The following STAC variants were observed in gnomAD, a reference collection of about 807,000 sequenced individuals.
STAC encodes the protein SH3 and cysteine rich domain.
A neutral mutation model predicts 48.8 loss-of-function variants in STAC; 43 were observed. That is an observed-to-expected ratio of 0.88 (90% CI 0.69 to 1.14). STAC has a LOEUF of 1.14. Among genes scored for constraint, STAC ranks in the 50% most tolerant of loss-of-function variants. The pLI is 0.00. For synonymous variants in STAC, 193 were observed against 179.5 expected, an observed-to-expected ratio of 1.07 and a Z score of -0.60; for missense variants, 497 against 504.0, an observed-to-expected ratio of 0.99 and a Z score of 0.13.
chr3:36,404,403 G>C (rs1005378233), intron 1 of STAC, among the ~76,000 whole-genome samples: 2 of 152,126 alleles, frequency 1.3e-5, no homozygotes, highest in Non-Finnish European at 2.9e-5. Flanking sequence ...CTATTTCAAA[G>C]GGTAATTGTG....
intron 2 of STAC, among the ~76,000 whole-genome samples, chr3:36,454,908 G>T (rs552997985): frequency 6.6e-6 from 1 of 152,236 alleles, no homozygotes; most frequent in East Asian, 1.9e-4. Flanking sequence ...CAAGTGCTTT[G>T]GTGATTTCTT....
At chr3:36,444,422 T>C (rs1167335427) in intron 2 of STAC, among the ~76,000 whole-genome samples, 1 of 152,228 alleles carries the variant, frequency 6.6e-6, no homozygotes, top group Non-Finnish European at 1.5e-5. Context: ...ATTTGGCTGA[T>C]CCAGACTCAG....
chr3:36,534,258 T>G (rs1002980512), intron 10 of STAC, among the ~76,000 whole-genome samples: 5 of 152,094 alleles, frequency 3.3e-5, no homozygotes, highest in African/African-American at 4.8e-5. Context: ...GATGTGAGAG[T>G]TAAATGTGCT....
At chr3:36,470,403 G>C (rs1213458884) in intron 2 of STAC, among the ~76,000 whole-genome samples, 1 of 152,248 alleles carries the variant, frequency 6.6e-6, no homozygotes, top group Non-Finnish European at 1.5e-5. Context: ...TCTGGAAAGA[G>C]TCCTGTGACG....
At chr3:36,433,180 C>T (rs186590768) in intron 1 of STAC, among the ~76,000 whole-genome samples, 1 of 152,228 alleles carries the variant, frequency 6.6e-6, no homozygotes, top group East Asian at 1.9e-4. Context: ...GTGAACCAGG[C>T]ATGTTCCAGA....
chr3:36,492,032 ATATATATATATAT>A (rs1352638051), intron 5 of STAC, among the ~76,000 whole-genome samples: 5 of 10,524 alleles, frequency 4.8e-4, no homozygotes, highest in African/African-American at 1.0e-3. Flanking sequence ...AAAAAAAAAA[ATATATATATATAT>A]ATATATATAT....
chr3:36,415,211 T>C lies in STAC; in HGVS notation c.112-28153T>C, dbSNP rs1700291746. On this transcript the variant is annotated intron_variant, in intron 1 of 10. Transcript: ENST00000273183. The stretch of plus-strand genomic sequence containing the variant: ...TCTTCAAAGCTGTCAGACAGGGACA[T>C]TTAAGTCTGCAGAGGTTTCTGCTGC... 2.6e-5 allele frequency among the ~76,000 whole-genome samples: 4 copies of C among 152,202 alleles called. No individual in the cohort carries two copies. The South Asian group carries it at 8.3e-4, about 32-fold the overall frequency.
chr3:36,543,777 T>C (rs1699382577), intron 10 of STAC, among the ~76,000 whole-genome samples: 1 of 152,198 alleles, frequency 6.6e-6, no homozygotes, highest in Non-Finnish European at 1.5e-5. Context: ...CATGGAGTAA[T>C]GGTGTAAGGC....
chr3:36,501,092 AAAAAC>A (rs1471801505), intron 6 of STAC, among the ~76,000 whole-genome samples: 2 of 152,238 alleles, frequency 1.3e-5, no homozygotes, highest in African/African-American at 2.4e-5. Context: ...ACCTTGTCTC[AAAAAC>A]AAAGAAAAAA....
chr3:36,401,995 G>C (rs546495397), intron 1 of STAC, among the ~76,000 whole-genome samples: 1 of 152,192 alleles, frequency 6.6e-6, no homozygotes, highest in Non-Finnish European at 1.5e-5. Context: ...AACTATAGAG[G>C]TGGAGGCTGA....
intron 2 of STAC, among the ~76,000 whole-genome samples, chr3:36,470,943 G>T (rs761815443): frequency 3.3e-5 from 5 of 152,208 alleles, no homozygotes; most frequent in Admixed American, 1.3e-4. Flanking sequence ...ATAAAGCAAG[G>T]ATCAACTTAA....
At chr3:36,446,090 C>T (rs980823977) in intron 2 of STAC, among the ~76,000 whole-genome samples, 2 of 152,190 alleles carry the variant, frequency 1.3e-5, no homozygotes, top group Non-Finnish European at 2.9e-5. Flanking sequence ...GCCAGCTAGG[C>T]CCTTGCCCTT....
At chr3:36,544,195 G>A (rs962741208) in intron 10 of STAC, among the ~76,000 whole-genome samples, 2 of 152,106 alleles carry the variant, frequency 1.3e-5, no homozygotes, top group African/African-American at 4.8e-5. Context: ...GCAATGGCAG[G>A]TCTCAGCTTT....
chr3:36,516,605 T>C (rs902658116), intron 8 of STAC, among the ~76,000 whole-genome samples: 7 of 152,196 alleles, frequency 4.6e-5, no homozygotes, highest in Non-Finnish European at 8.8e-5. Context: ...GATAATTCTC[T>C]ATCTTTCCAC....
At chr3:36,422,571 T>C (rs1700474200) in intron 1 of STAC, among the ~76,000 whole-genome samples, 1 of 152,096 alleles carries the variant, frequency 6.6e-6, no homozygotes, top group Non-Finnish European at 1.5e-5. Flanking sequence ...TTTTAATAAA[T>C]ATGTAAAACA....
In STAC at chr3:36,458,104, A is replaced by T. The variant is rs1358556425; in HGVS notation, c.388+14464A>T. Among the ~76,000 whole-genome samples the T allele has an allele frequency of 7.2e-5, 11 of 152,294 alleles. No individual in the cohort carries two copies. The East Asian group carries it at 1.4e-3, about 19-fold the overall frequency. ...AGGGAAAGATGGCCCTGGGGTCTTC[A>T]CATTTTTAAAGGGTCCTTTCTGCTT... On this transcript the variant is annotated intron_variant, in intron 2 of 10. Transcript: ENST00000273183.
At chr3:36,499,839 G>T (rs1437197326) in intron 6 of STAC, among the ~76,000 whole-genome samples, 1 of 151,502 alleles carries the variant, frequency 6.6e-6, no homozygotes, top group Admixed American at 6.6e-5. Flanking sequence ...TAGAAACCAA[G>T]GGGCAACCAC....
intron 1 of STAC, among the ~76,000 whole-genome samples, chr3:36,392,764 C>G (rs1699781203): frequency 6.6e-6 from 1 of 152,150 alleles, no homozygotes; most frequent in South Asian, 2.1e-4. Flanking sequence ...GTCTCTCTTC[C>G]CTTAAAACTC....
intron 2 of STAC, among the ~76,000 whole-genome samples, chr3:36,451,210 A>G (rs948690176): frequency 1.1e-4 from 17 of 152,102 alleles, no homozygotes; most frequent in Non-Finnish European, 2.2e-4. Flanking sequence ...CAGATATATA[A>G]TATGTTCTTC....
Sources: allele counts gnomAD v4.1 joint callset (sites outside exome capture counted in the v4.1 genomes callset), GRCh38; gene constraint gnomAD v4.1.1; transcripts MANE v1.5; gene names NCBI Gene and HGNC (gene_info 2026-07-23, HGNC 2026-07-21).